Variants in KDM2A observed in about 807,000 individuals in gnomAD.
The protein encoded by KDM2A is lysine demethylase 2A.
In KDM2A, 3 loss-of-function variants were observed where a neutral mutation model predicts 137.3. That is an observed-to-expected ratio of 0.02 (90% CI 0.01 to 0.06). The LOEUF is 0.06. Among genes scored for constraint, KDM2A ranks in the 10% least tolerant of loss-of-function variants. KDM2A has a pLI of 1.00. For synonymous variants in KDM2A, 512 were observed against 541.5 expected (o/e 0.95, Z 0.76); for missense variants, 738 against 1,510.6 (o/e 0.49, Z 8.48).
At chr11:67,211,656 A>G (rs1181829007) in intron 6 of KDM2A, among the ~76,000 whole-genome samples, 1 of 149,336 alleles carries the variant, frequency 6.7e-6, no homozygotes, top group Non-Finnish European at 1.5e-5. Context: ...TATATATAAT[A>G]GCCTATTAGT....
intron 5 of KDM2A, among the ~76,000 whole-genome samples, chr11:67,191,337 C>G (rs1158558068): frequency 2.0e-5 from 3 of 152,124 alleles, no homozygotes; most frequent in Non-Finnish European, 4.4e-5. Context: ...GGGAACACTT[C>G]TTAAGTCTTT....
chr11:67,142,028 T>C (rs1252670565), intron 2 of KDM2A, among the ~76,000 whole-genome samples: 1 of 152,054 alleles, frequency 6.6e-6, no homozygotes, highest in Non-Finnish European at 1.5e-5. Context: ...TGAATGGTAT[T>C]TCTTTCATTC....
At chr11:67,127,703 A>G (rs11227697) in intron 2 of KDM2A, among the ~76,000 whole-genome samples, 1,986 of 151,702 alleles carry the variant, frequency 0.013, 20 homozygotes, top group Non-Finnish European at 0.021. Context: ...TAAATTAATT[A>G]ATTTATTTAT....
At chr11:67,142,636 G>A (rs1422152699) in intron 2 of KDM2A, among the ~76,000 whole-genome samples, 6 of 151,426 alleles carry the variant, frequency 4.0e-5, no homozygotes, top group African/African-American at 7.3e-5. Context: ...CCTGGGAAGC[G>A]GAGGTTGCAG....
At position 67,193,961 on chromosome 11, in the gene KDM2A, G is replaced by C. The variant is rs549763322; in HGVS notation, c.307+12069G>C. 2.0e-5 allele frequency among the ~76,000 whole-genome samples: 3 copies of C among 152,232 alleles called. No individual in the cohort carries two copies. The East Asian group carries it at 5.8e-4, about 29-fold the overall frequency. ...GGCCTCAAGCTGTCCTCCTGTCTTG[G>C]CCTCCCAAATTGCTGAGATTATAGG... On this transcript the variant is annotated intron_variant, in intron 5 of 20. Transcript: ENST00000529006.
intron 6 of KDM2A, among the ~76,000 whole-genome samples, chr11:67,214,426 G>A (rs1234813633): frequency 2.6e-5 from 4 of 151,894 alleles, no homozygotes; most frequent in Admixed American, 6.6e-5. Flanking sequence ...AGATGGTCTC[G>A]ATCTCCTGAC....
rs187328713 is a variant in KDM2A, at chr11:67,145,704, C to T, written c.42+24346C>T. ...ACCATATTCTCCCTTTCTCTTTTCT[C>T]ATTACTTGAAAATGATACCATACTC... On this transcript the variant is annotated intron_variant, in intron 2 of 20. Transcript: ENST00000529006. Among the ~76,000 whole-genome samples the T allele has an allele frequency of 2.6e-5, 4 of 152,066 alleles. No individual in the cohort carries two copies. The East Asian group carries it at 7.7e-4, about 29-fold the overall frequency.
intron 2 of KDM2A, among the ~76,000 whole-genome samples, chr11:67,122,480 C>G (rs546775663): frequency 6.6e-6 from 1 of 151,940 alleles, no homozygotes; most frequent in African/African-American, 2.4e-5. Flanking sequence ...GCATGTGCCA[C>G]CACGTCCAGC....
chr11:67,130,062 A>G (rs1467345021), intron 2 of KDM2A, among the ~76,000 whole-genome samples: 1 of 150,422 alleles, frequency 6.6e-6, no homozygotes, highest in East Asian at 2.0e-4. Flanking sequence ...TCCCGGGTTC[A>G]AGTGATTCTT....
intron 2 of KDM2A, among the ~76,000 whole-genome samples, chr11:67,179,404 G>C (rs1423715672): frequency 6.6e-6 from 1 of 152,162 alleles, no homozygotes; most frequent in Non-Finnish European, 1.5e-5. Flanking sequence ...CTCCTGAGTA[G>C]CTGGGATTAC....
At chr11:67,223,345 A>T (rs1858428952) in intron 10 of KDM2A, among the ~76,000 whole-genome samples, 1 of 152,032 alleles carries the variant, frequency 6.6e-6, no homozygotes, top group Non-Finnish European at 1.5e-5. Flanking sequence ...TAAAAACTCA[A>T]AATTTTAATG....
At chr11:67,187,560 A>ATTTATTTAT (rs1318944841) in intron 5 of KDM2A, among the ~76,000 whole-genome samples, 1 of 149,118 alleles carries the variant, frequency 6.7e-6, no homozygotes, top group African/African-American at 2.5e-5. Context: ...TTATTTATTT[A>ATTTATTTAT]TTTATTTATT....
At chr11:67,221,415 TGAA>T (rs1247044040) in intron 10 of KDM2A, among the ~76,000 whole-genome samples, 2 of 152,226 alleles carry the variant, frequency 1.3e-5, no homozygotes, top group East Asian at 1.9e-4. Context: ...TAACAATTAA[TGAA>T]GAATTCACAA....
At chr11:67,232,168 G>A (rs1858737499) in intron 12 of KDM2A, among the ~76,000 whole-genome samples, 1 of 152,180 alleles carries the variant, frequency 6.6e-6, no homozygotes, top group Non-Finnish European at 1.5e-5. Context: ...ACATTTATGT[G>A]TTCATTGAAG....
chr11:67,165,999 C>G (rs528356731), intron 2 of KDM2A, among the ~76,000 whole-genome samples: 203 of 152,206 alleles, frequency 1.3e-3, no homozygotes, highest in African/African-American at 4.6e-3. Context: ...TTAACAGTTG[C>G]ATCAATTATA....
chr11:67,234,030 A>G (rs996916335), intron 12 of KDM2A, among the ~76,000 whole-genome samples: 26 of 152,236 alleles, frequency 1.7e-4, no homozygotes, highest in African/African-American at 6.3e-4. Flanking sequence ...CGTTTACCCA[A>G]AACCACAGTC....
chr11:67,120,342 C>T (rs943730263), intron 1 of KDM2A, among the ~76,000 whole-genome samples: 4 of 152,180 alleles, frequency 2.6e-5, no homozygotes, highest in Admixed American at 2.0e-4. Flanking sequence ...GTCCTCTGGT[C>T]TCGTAGCAGT....
intron 2 of KDM2A, among the ~76,000 whole-genome samples, chr11:67,166,209 C>G (rs1360246971): frequency 7.3e-6 from 1 of 136,488 alleles, no homozygotes; most frequent in Non-Finnish European, 1.5e-5. Flanking sequence ...TTTTTTGAGA[C>G]AGTCTCACTC....
chr11:67,151,303 T>A lies in KDM2A; in HGVS notation c.43-28776T>A, dbSNP rs187310954. On this transcript the variant is annotated intron_variant, in intron 2 of 20. Coordinates refer to ENST00000529006, the MANE Select transcript of KDM2A (RefSeq NM_012308.3). ...TGCTAGGGAGCATGTGAAATGTGGC[T>A]ACTATGAATTAAGATGTTGGTGTAA... 3.3e-5 allele frequency among the ~76,000 whole-genome samples: 5 copies of A among 152,324 alleles called. No individual in the cohort carries two copies. In the East Asian group the frequency reaches 9.6e-4, roughly 29 times the overall value.
Sources: allele counts gnomAD v4.1 joint callset (sites outside exome capture counted in the v4.1 genomes callset), GRCh38; gene constraint gnomAD v4.1.1; transcripts MANE v1.5; gene names NCBI Gene and HGNC (gene_info 2026-07-23, HGNC 2026-07-21).